Variants in PCNX2 observed in about 807,000 individuals in gnomAD.
The protein encoded by PCNX2 is pecanex-like protein 2.
A neutral mutation model predicts 223.8 loss-of-function variants in PCNX2; 168 were observed. That is an observed-to-expected ratio of 0.75 (90% CI 0.66 to 0.85). PCNX2 has a LOEUF of 0.85. PCNX2 is among the 40% of genes least tolerant of loss of function. The pLI is 0.00. For missense variants in PCNX2, 2,507 were observed against 2,675.5 expected (o/e 0.94, Z 1.39); for synonymous variants, 1,006 against 1,052.6 (o/e 0.96, Z 0.86).
intron 9 of PCNX2, among the ~76,000 whole-genome samples, chr1:233,232,244 G>A (rs1302900162): frequency 6.6e-6 from 1 of 152,162 alleles, no homozygotes; most frequent in African/African-American, 2.4e-5. Context: ...ACAATACTAT[G>A]AAAGTGATAA....
At chr1:233,146,791 G>C (rs962127844) in intron 19 of PCNX2, among the ~76,000 whole-genome samples, 1 of 152,184 alleles carries the variant, frequency 6.6e-6, no homozygotes, top group Non-Finnish European at 1.5e-5. Flanking sequence ...CCATTTGGAT[G>C]GGGGAGTAAG....
chr1:233,226,169 C>T (rs1399113230), intron 10 of PCNX2, among the ~76,000 whole-genome samples: 1 of 152,198 alleles, frequency 6.6e-6, no homozygotes, highest in South Asian at 2.1e-4. Context: ...CAGTGCTACT[C>T]AGCCCCTGAA....
chr1:233,243,775 A>T (rs551262349), intron 8 of PCNX2, among the ~76,000 whole-genome samples: 1 of 151,954 alleles, frequency 6.6e-6, no homozygotes, highest in Non-Finnish European at 1.5e-5. Flanking sequence ...CTGACTGAGG[A>T]CCCTCTATGG....
rs1045857644 is a variant in PCNX2, at chr1:233,135,871, C to T, written c.3660-681G>A. The stretch of plus-strand genomic sequence containing the variant: ...ATGTGTTTTTCCCCCATAGAATGGG[C>T]CTTTTCAGTTAAGGAGCTCAGCAAA... On this transcript the variant is annotated intron_variant, in intron 20 of 33. Transcript: ENST00000258229. Among the ~76,000 whole-genome samples the T allele has an allele frequency of 7.2e-5, 11 of 152,274 alleles. No individual in the cohort carries two copies. In the East Asian group the frequency reaches 2.1e-3, roughly 29 times the overall value.
intron 1 of PCNX2, among the ~76,000 whole-genome samples, chr1:233,281,311 G>A (rs1661182644): frequency 6.6e-6 from 1 of 152,164 alleles, no homozygotes; most frequent in African/African-American, 2.4e-5. Context: ...TCTATTGATA[G>A]GGAACTATAT....
intron 23 of PCNX2, among the ~76,000 whole-genome samples, chr1:233,084,394 G>C (rs904793311): frequency 1.3e-5 from 2 of 152,148 alleles, no homozygotes; most frequent in Non-Finnish European, 2.9e-5. Context: ...CAGTACACTC[G>C]CATAGATGAT....
chr1:233,070,453 C>A (rs1207126648), intron 23 of PCNX2, among the ~76,000 whole-genome samples: 1 of 151,468 alleles, frequency 6.6e-6, no homozygotes, highest in Non-Finnish European at 1.5e-5. Flanking sequence ...AATATAAATC[C>A]AAAAATCCTT....
rs1255401905 is a variant in PCNX2, at chr1:232,984,384, C to T, written c.6334G>A (p.Val2112Ile). ...LAEAVADTLG[V>I]VCRRASQEDM... ...TCCTGGCTTGCTCTCCTGCAGACAA[C>T]CCCGAGAGTGTCCGCCACAGCCTCA... The change falls in exon 34 of 34, where the codon GTT (valine) becomes ATT (isoleucine). Residue 2112 changes from valine (V) to isoleucine (I), a missense_variant. By Grantham distance (29) the Val-to-Ile change is conservative. This residue lies in a region of PCNX2 where 1,372 missense variants were observed against 1,509.4 expected (regional missense o/e 0.91). Coordinates refer to ENST00000258229, the MANE Select transcript of PCNX2 (RefSeq NM_014801.4). 1.2e-6 allele frequency: 2 copies of T among 1,613,742 alleles called. No individual in the cohort carries two copies.
At chr1:233,200,973 C>A (rs1425304621) in intron 13 of PCNX2, among the ~76,000 whole-genome samples, 2 of 146,266 alleles carry the variant, frequency 1.4e-5, no homozygotes, top group African/African-American at 5.1e-5. Flanking sequence ...TTGCAGTGAG[C>A]CGAGATTGCA....
chr1:233,030,866 C>G (rs1671239519), intron 25 of PCNX2, among the ~76,000 whole-genome samples: 1 of 152,256 alleles, frequency 6.6e-6, no homozygotes, highest in African/African-American at 2.4e-5. Flanking sequence ...TCCATCTAAT[C>G]ACGAAAGGGG....
At chr1:233,296,027 T>G (rs1662103316), upstream of PCNX2, among the ~76,000 whole-genome samples, 1 of 140,998 alleles carries the variant, frequency 7.1e-6, no homozygotes, top group Non-Finnish European at 1.5e-5. Flanking sequence ...CTCTCCCCTC[T>G]TCCCTTCCCC....
intron 1 of PCNX2, among the ~76,000 whole-genome samples, chr1:233,287,340 T>C (rs1661504576): frequency 6.6e-6 from 1 of 152,238 alleles, no homozygotes; most frequent in Non-Finnish European, 1.5e-5. Context: ...CCCATTGGTA[T>C]GGTTTGGCTG....
intron 9 of PCNX2, among the ~76,000 whole-genome samples, chr1:233,229,362 G>A (rs2102949308): frequency 6.6e-6 from 1 of 152,270 alleles, no homozygotes; most frequent in East Asian, 1.9e-4. Context: ...ACTTGTGCCT[G>A]GAATTCTATT....
At chr1:233,262,726 A>G (rs1024282821) in intron 2 of PCNX2, among the ~76,000 whole-genome samples, 1 of 152,128 alleles carries the variant, frequency 6.6e-6, no homozygotes, top group Non-Finnish European at 1.5e-5. Context: ...TGAATTCTAG[A>G]TCTTATGAGA....
the PCNX2 span, among the ~76,000 whole-genome samples, chr1:233,311,859 C>T: frequency 6.6e-6 from 1 of 152,108 alleles, no homozygotes. Flanking sequence ...GTGGCTCACA[C>T]CTGTAATCCC....
chr1:233,135,122 T>C lies in PCNX2; in HGVS notation c.3728A>G (p.Tyr1243Cys), dbSNP rs1354538735. The C allele has an allele frequency of 1.2e-6, 2 of 1,613,804 alleles. No individual in the cohort carries two copies. Among genetic ancestry groups the C allele is most frequent in the Admixed American group, 3.3e-5 (2 of 60,020 alleles). The change falls in exon 21 of 34, where the codon TAC becomes TGC. Residue 1243 changes from tyrosine (Y) to cysteine (C), a missense_variant. Tyr to Cys is a radical substitution (Grantham distance 194). Transcript: ENST00000258229. ...LLRTSFCNPV[Y>C]QFINLSFTVI... The stretch of plus-strand genomic sequence containing the variant: ...AGTGAAGCTCAAGTTAATAAACTGG[T>C]AAACCGGGTTGCAGAATGATGTCCG...
At chr1:233,312,892 A>G in the PCNX2 span, among the ~76,000 whole-genome samples, 1 of 152,238 alleles carries the variant, frequency 6.6e-6, no homozygotes, top group South Asian at 2.1e-4. Context: ...AATTCATATG[A>G]AGAAAACCTT....
intron 17 of PCNX2, among the ~76,000 whole-genome samples, chr1:233,172,724 C>T (rs183490828): frequency 2.0e-5 from 3 of 152,320 alleles, no homozygotes; most frequent in East Asian, 1.9e-4. Context: ...TACTCCTGTT[C>T]AGTAAGATTT....
intron 19 of PCNX2, among the ~76,000 whole-genome samples, chr1:233,148,494 G>A (rs1243836422): frequency 3.3e-5 from 5 of 151,298 alleles, no homozygotes; most frequent in Non-Finnish European, 5.9e-5. Context: ...GTCCAGTGGC[G>A]GGATCTTGGC....
Sources: gnomAD v4.1 joint callset for allele counts (sites outside exome capture counted in the v4.1 genomes callset) on GRCh38, gnomAD v4.1.1 for gene constraint, gnomAD v4.1.1 regional missense constraint, MANE v1.5 for transcripts, NCBI Gene and HGNC (gene_info 2026-07-23, HGNC 2026-07-21) for gene names.